The following YY2 variants were observed in gnomAD, a reference collection of about 807,000 sequenced individuals.
YY2 encodes transcription factor YY2.
For synonymous variants in YY2, 157 were observed against 131.2 expected (o/e 1.20, Z -1.35); for missense variants, 254 against 305.3 (o/e 0.83, Z 1.25).
rs1602141962 is a variant in YY2, at chrX:21,856,176, C to G, written c.-309C>G. On this transcript the variant is annotated 5_prime_UTR_variant, in exon 1 of 1. Coordinates refer to ENST00000429584, the MANE Select transcript of YY2 (RefSeq NM_206923.4). ...GCAGGGTGGCAAACGTACGCGGGCA[C>G]GTGCACGTGCTTTTGGGGCCGACAG... The G allele has an allele frequency of 6.9e-6, 2 of 290,786 alleles. No individual in the cohort carries two copies. The highest frequency in any genetic ancestry group is 1.2e-5 in the Non-Finnish European group (2 of 165,563). 24.0% of individuals were successfully genotyped at this position (290,786 alleles called of 1,213,427 possible).
Position 21,856,700 on chromosome X carries a change from C to T in YY2, c.216C>T (p.Gly72=), listed in dbSNP as rs772729362. 5 of 1,211,364 alleles carry T rather than the reference C, an allele frequency of 4.1e-6. No homozygotes were observed. Among genetic ancestry groups the T allele is most frequent in the Non-Finnish European group, 5.6e-6 (5 of 895,445 alleles). ...LQPLFTNTGY[G]DHDQEMLMLQ... is the part of the protein sequence containing the mutation. ...CGCTCTTCACGAACACGGGCTATGG[C>T]GACCACGACCAGGAAATGCTTATGT... Residue 72 remains glycine (G), a synonymous_variant, in exon 1 of 1, where the codon GGC becomes GGT. Coordinates refer to ENST00000429584, the MANE Select transcript of YY2 (RefSeq NM_206923.4).
Position 21,856,808 on chromosome X carries a change from G to A in YY2, c.324G>A (p.Pro108=), listed in dbSNP as rs781656677. The A allele has an allele frequency of 5.8e-6, 7 of 1,209,804 alleles. No homozygotes were observed. The African/African-American group carries it at 8.8e-5, about 15-fold the overall frequency. Residue 108 remains proline, a synonymous_variant, in exon 1 of 1, where the codon CCG becomes CCA. Coordinates refer to ENST00000429584, the MANE Select transcript of YY2 (RefSeq NM_206923.4). ...ACTTGGAGGACCAGTTGGCCCTCCC[G>A]GATAGCATTGAAGACGAGCACTTCC... is the stretch of plus-strand genomic sequence containing the variant. ...GNDLEDQLAL[P]DSIEDEHFQM...
rs1394104478 is a variant in YY2 at position 21,856,688 on chromosome X, C to G, written c.204C>G (p.Asn68Lys). 4 of 1,210,139 alleles carry G rather than the reference C, an allele frequency of 3.3e-6. No individual in the cohort carries two copies. The highest frequency in any genetic ancestry group is 4.5e-6 in the Non-Finnish European group (4 of 895,347). The change falls in exon 1 of 1, where the codon AAC becomes AAG. Residue 68 changes from asparagine to lysine, a missense_variant. Transcript: ENST00000429584. ...PLMVLQPLFT[N>K]TGYGDHDQEM... Reference sequence around the variant, plus strand: ...TGGTGTTGCAGCCGCTCTTCACGAACACGGGCTATGGCGACCACGACCAGG... The same window carrying G: ...TGGTGTTGCAGCCGCTCTTCACGAAGACGGGCTATGGCGACCACGACCAGG...
chrX:21,856,311 TGC>T lies in YY2; in HGVS notation c.-173_-172del. On this transcript the variant is annotated 5_prime_UTR_variant, in exon 1 of 1. The change abolishes the stop of an existing upstream ORF in the 5' untranslated region. Coordinates refer to ENST00000429584, the MANE Select transcript of YY2 (RefSeq NM_206923.4). ...TTTCTCTGCAGCTCGCGCCTTTCTC[TGC>T]AGCTCGCGCCTTTCTCTGCAGCTCG... 3 of 379,491 alleles carry T rather than the reference TGC, an allele frequency of 7.9e-6. No individual in the cohort carries two copies. The highest frequency in any genetic ancestry group is 1.4e-5 in the Non-Finnish European group (3 of 221,435). 31.3% of individuals were successfully genotyped at this position (379,491 alleles called of 1,213,427 possible). A position where few individuals can be genotyped will look rare whatever the true frequency, so the allele number is the denominator to read the frequency against.
chrX:21,856,750 G>T lies in YY2; in HGVS notation c.266G>T (p.Gly89Val). 8.3e-7 allele frequency: 1 copy of T among 1,211,815 alleles called. No homozygotes were observed. The highest frequency in any genetic ancestry group is 1.7e-5 in the African/African-American group (1 of 57,798). Residue 89 changes from glycine (G) to valine (V), a missense_variant, in exon 1 of 1, where the codon GGC becomes GTC. Gly to Val is a moderately radical substitution (Grantham distance 109). Transcript: ENST00000429584. ...TTGCAGACACAAGAGGAAGTGGTGG[G>T]CTATTGCGACTCAGACAACCAGCTA... is the stretch of plus-strand genomic sequence containing the variant. ...LMLQTQEEVV[G>V]YCDSDNQLGN...
chrX:21,856,509 A>G lies in YY2; in HGVS notation c.25A>G (p.Ile9Val). The G allele has an allele frequency of 8.3e-7, 1 of 1,209,116 alleles. No homozygotes were observed. The highest frequency in any genetic ancestry group is 1.1e-6 in the Non-Finnish European group (1 of 894,014). The change falls in exon 1 of 1, where the codon ATC (isoleucine) becomes GTC (valine). Residue 9 changes from isoleucine to valine, a missense_variant. Coordinates refer to ENST00000429584, the MANE Select transcript of YY2 (RefSeq NM_206923.4). ...CATGGCCTCCAACGAAGATTTCTCC[A>G]TCACACAAGACCTGGAGATCCCGGC... MASNEDFS[I>V]TQDLEIPADI...
rs1397820178 is a variant in YY2 at position 21,857,618 on chromosome X, C to T, written c.*15C>T. On this transcript the variant is annotated 3_prime_UTR_variant, in exon 1 of 1. Coordinates refer to ENST00000429584, the MANE Select transcript of YY2 (RefSeq NM_206923.4). The stretch of plus-strand genomic sequence containing the variant: ...ACAACCCGTGAAAAGGAGAAGACCC[C>T]TCTCAGACTTGGGAATTATCTTCCA... 1.0e-5 allele frequency: 12 copies of T among 1,184,432 alleles called. No individual in the cohort carries two copies. The highest frequency in any genetic ancestry group is 1.9e-5 in the South Asian group (1 of 52,386).
chrX:21,856,067 A>G lies in YY2; in HGVS notation c.-418A>G, dbSNP rs745879369. The G allele has an allele frequency of 6.5e-4, 93 of 143,856 alleles. 1 individual carries two copies. The highest frequency in any genetic ancestry group is 5.9e-3 in the South Asian group (23 of 3,919). The allele number at this position is 143,856 out of a possible 1,213,427, so 11.9% of individuals were successfully genotyped here. A position where few individuals can be genotyped will look rare whatever the true frequency, so the allele number is the denominator to read the frequency against. ...TATGGGATGGACAGGAGGGGAAGACATGAAAATCAACTAAAATGAAATACA... is the reference window on the plus strand; with the variant it reads ...TATGGGATGGACAGGAGGGGAAGACGTGAAAATCAACTAAAATGAAATACA... On this transcript the variant is annotated 5_prime_UTR_variant, in exon 1 of 1. The change abolishes an upstream ATG in the 5' untranslated region. Transcript: ENST00000429584.
chrX:21,856,203 C>T lies in YY2; in HGVS notation c.-282C>T, dbSNP rs957053927. ...TGCACGTGCTTTTGGGGCCGACAGACGCGCCAGTTGCCTAGGCGCATGCGT... is the reference window on the plus strand; with the variant it reads ...TGCACGTGCTTTTGGGGCCGACAGATGCGCCAGTTGCCTAGGCGCATGCGT... On this transcript the variant is annotated 5_prime_UTR_variant, in exon 1 of 1. The change creates a new upstream start codon in the 5' untranslated region. Transcript: ENST00000429584. 4 of 316,813 alleles carry T rather than the reference C, an allele frequency of 1.3e-5. No homozygotes were observed. The highest frequency in any genetic ancestry group is 5.5e-5 in the Admixed American group (1 of 18,269). The allele number at this position is 316,813 out of a possible 1,213,427, so 26.1% of individuals were successfully genotyped here. A position where few individuals can be genotyped will look rare whatever the true frequency, so the allele number is the denominator to read the frequency against.
In YY2 at chrX:21,856,277, T is replaced by TCTCGTGCCTTTCTCTGCAG. The variant is rs2092921372; in HGVS notation, c.-204_-203insTGCCTTTCTCTGCAGCTCG. ...GCCTTCCGGCTCGTGCTTTCCTCAG[T>TCTCGTGCCTTTCTCTGCAG]CTCGCGCCTTTCTCTGCAGCTCGCG... On this transcript the variant is annotated 5_prime_UTR_variant, in exon 1 of 1. An upstream open reading frame in the 5' UTR loses its in-frame stop. Coordinates refer to ENST00000429584, the MANE Select transcript of YY2 (RefSeq NM_206923.4). The TCTCGTGCCTTTCTCTGCAG allele has an allele frequency of 2.6e-6, 1 of 384,231 alleles. No homozygotes were observed. Among genetic ancestry groups the TCTCGTGCCTTTCTCTGCAG allele is most frequent in the Non-Finnish European group, 4.3e-6 (1 of 230,294 alleles). The allele number at this position is 384,231 out of a possible 1,213,427, so 31.7% of individuals were successfully genotyped here.
Position 21,856,442 on chromosome X carries a change from C to T in YY2, c.-43C>T, listed in dbSNP as rs730678. 0.14 allele frequency: 164,675 copies of T among 1,164,654 alleles called. 10,240 individuals carry two copies. The highest frequency in any genetic ancestry group is 0.35 in the East Asian group (11,715 of 33,284). On this transcript the variant is annotated 5_prime_UTR_variant, in exon 1 of 1. Coordinates refer to ENST00000429584, the MANE Select transcript of YY2 (RefSeq NM_206923.4). ...CCTCACTCCCCTCAGCGTTCTTTTTCCCACGGTCTTCCCGTTGCCGCTAAC... is the reference window on the plus strand; with the variant it reads ...CCTCACTCCCCTCAGCGTTCTTTTTTCCACGGTCTTCCCGTTGCCGCTAAC...
In YY2 at chrX:21,858,696, C is replaced by G. The variant is rs2147439791; in HGVS notation, c.*1093C>G. The G allele has an allele frequency of 8.3e-6, 1 of 121,022 alleles. No individual in the cohort carries two copies. Among genetic ancestry groups the G allele is most frequent in the Admixed American group, 9.8e-5 (1 of 10,222 alleles). The allele number at this position is 121,022 out of a possible 1,213,427, so 10.0% of individuals were successfully genotyped here. On this transcript the variant is annotated 3_prime_UTR_variant, in exon 1 of 1. Coordinates refer to ENST00000429584, the MANE Select transcript of YY2 (RefSeq NM_206923.4). The stretch of plus-strand genomic sequence containing the variant: ...TTTGAGCTCAGGAATTGAACATCAG[C>G]CTGGGCAACATGGCATAACTCGGTC...
chrX:21,856,531 C>T lies in YY2; in HGVS notation c.47C>T (p.Pro16Leu), dbSNP rs779342736. 2 of 1,211,272 alleles carry T rather than the reference C, an allele frequency of 1.7e-6. No individual in the cohort carries two copies. The highest frequency in any genetic ancestry group is 2.2e-6 in the Non-Finnish European group (2 of 895,274). Residue 16 changes from proline to leucine, a missense_variant, in exon 1 of 1, where the codon CCG becomes CTG. Physicochemically the swap from Pro to Leu is moderately conservative, Grantham distance 98 (BLOSUM62 -3). Coordinates refer to ENST00000429584, the MANE Select transcript of YY2 (RefSeq NM_206923.4). The part of the protein sequence containing the change: ...DFSITQDLEI[P>L]ADIVELHDIN... Reference sequence around the variant, plus strand: ...TCCATCACACAAGACCTGGAGATCCCGGCAGATATTGTGGAGCTCCACGAC... The same window carrying T: ...TCCATCACACAAGACCTGGAGATCCTGGCAGATATTGTGGAGCTCCACGAC...
chrX:21,856,298 TCGCGCCTTTCTCTGCAGC>T lies in YY2; in HGVS notation c.-186_-169del, dbSNP rs1463840086. On this transcript the variant is annotated 5_prime_UTR_variant, in exon 1 of 1. Coordinates refer to ENST00000429584, the MANE Select transcript of YY2 (RefSeq NM_206923.4). The stretch of plus-strand genomic sequence containing the variant: ...TCAGTCTCGCGCCTTTCTCTGCAGC[TCGCGCCTTTCTCTGCAGC>T]TCGCGCCTTTCTCTGCAGCTCGCGC... 4 of 369,293 alleles carry T rather than the reference TCGCGCCTTTCTCTGCAGC, an allele frequency of 1.1e-5. No individual in the cohort carries two copies. In the African/African-American group the frequency reaches 1.3e-4, roughly 12 times the overall value. 30.4% of individuals were successfully genotyped at this position (369,293 alleles called of 1,213,427 possible). A position where few individuals can be genotyped will look rare whatever the true frequency, so the allele number is the denominator to read the frequency against.
At position 21,856,202 on chromosome X, in the gene YY2, A is replaced by G; in HGVS notation, c.-283A>G. The G allele has an allele frequency of 3.1e-6, 1 of 318,413 alleles. No individual in the cohort carries two copies. The allele number at this position is 318,413 out of a possible 1,213,427, so 26.2% of individuals were successfully genotyped here. A position where few individuals can be genotyped will look rare whatever the true frequency, so the allele number is the denominator to read the frequency against. ...GTGCACGTGCTTTTGGGGCCGACAG[A>G]CGCGCCAGTTGCCTAGGCGCATGCG... is the stretch of plus-strand genomic sequence containing the variant. On this transcript the variant is annotated 5_prime_UTR_variant, in exon 1 of 1. Transcript: ENST00000429584.
chrX:21,857,785 A>G lies in YY2; in HGVS notation c.*182A>G. 2.0e-6 allele frequency: 1 copy of G among 492,486 alleles called. No individual in the cohort carries two copies. The highest frequency in any genetic ancestry group is 3.2e-6 in the Non-Finnish European group (1 of 308,767). 40.6% of individuals were successfully genotyped at this position (492,486 alleles called of 1,213,427 possible). On this transcript the variant is annotated 3_prime_UTR_variant, in exon 1 of 1. Coordinates refer to ENST00000429584, the MANE Select transcript of YY2 (RefSeq NM_206923.4). ...AGAATTTAAACGTTTTTAAAAAGGT[A>G]AACCTTGACATAAGATAATAGTGCT... is the stretch of plus-strand genomic sequence containing the variant.
rs1011735189 is a variant in YY2, at chrX:21,857,570, A to G, written c.1086A>G (p.Ile362Met). The G allele has an allele frequency of 1.2e-5, 15 of 1,209,007 alleles. No individual in the cohort carries two copies. The highest frequency in any genetic ancestry group is 1.7e-5 in the Non-Finnish European group (15 of 894,499). ...FAQSTNLKTH[I>M]LTHVKTKNNP ...AGTCAACCAACCTGAAAACCCACAT[A>G]TTAACGCATGTGAAGACCAAAAACA... Residue 362 changes from isoleucine to methionine, a missense_variant, in exon 1 of 1, where the codon ATA becomes ATG. Coordinates refer to ENST00000429584, the MANE Select transcript of YY2 (RefSeq NM_206923.4).
rs139137499 is a variant in YY2, at chrX:21,857,412, C to T, written c.928C>T (p.Pro310Ser). Reference sequence around the variant, plus strand: ...CCAGCTGGTCCACACCGGCGAGAAGCCCTTTCAGTGCACATTCGAAGGCTG... The same window carrying T: ...CCAGCTGGTCCACACCGGCGAGAAGTCCTTTCAGTGCACATTCGAAGGCTG... ...RHQLVHTGEK[P>S]FQCTFEGCGK... Residue 310 changes from proline to serine, a missense_variant, in exon 1 of 1, where the codon CCC (proline) becomes TCC (serine). Coordinates refer to ENST00000429584, the MANE Select transcript of YY2 (RefSeq NM_206923.4). 9.9e-6 allele frequency: 12 copies of T among 1,212,307 alleles called. No homozygotes were observed. The highest frequency in any genetic ancestry group is 5.3e-5 in the South Asian group (3 of 57,047).
Position 21,857,668 on chromosome X carries a change from C to A in YY2, c.*65C>A. 1.9e-6 allele frequency: 2 copies of A among 1,043,190 alleles called. No individual in the cohort carries two copies. Among genetic ancestry groups the A allele is most frequent in the Non-Finnish European group, 2.6e-6 (2 of 780,106 alleles). 86.0% of individuals were successfully genotyped at this position (1,043,190 alleles called of 1,213,427 possible). ...AGGACTGCGGTAGGGAATAAATATG[C>A]CTCTCAAAGCTTTGTATGTTGTTTC... On this transcript the variant is annotated 3_prime_UTR_variant, in exon 1 of 1. Transcript: ENST00000429584.
Sources: allele counts gnomAD v4.1 joint callset, GRCh38; gene constraint gnomAD v4.1.1; transcripts MANE v1.5; gene names NCBI Gene and HGNC (gene_info 2026-07-23, HGNC 2026-07-21).